SLC6A5: variants seen among roughly 807,000 people sequenced by gnomAD.
SLC6A5 encodes the protein solute carrier family 6 member 5, also known as sodium- and chloride-dependent glycine transporter 2.
In SLC6A5, 58 loss-of-function variants were observed where a neutral mutation model predicts 90.5. The observed-to-expected ratio is 0.64, with a 90% CI of 0.52 to 0.80. SLC6A5 has a LOEUF of 0.80. Ranked by LOEUF, SLC6A5 falls within the 30% of genes least tolerant of loss-of-function variation. The pLI, the probability that SLC6A5 is intolerant of heterozygous loss-of-function variation, is 0.00. For missense variants in SLC6A5, 1,015 were observed against 1,017.6 expected (o/e 1.00, Z 0.03); for synonymous variants, 427 against 401.4 (o/e 1.06, Z -0.76).
Position 20,636,406 on chromosome 11 carries a change from G to T in SLC6A5, c.1724G>T (p.Gly575Val), listed in dbSNP as rs747820050. Residue 575 changes from glycine to valine, a missense_variant, in exon 11 of 16, where the codon GGA (glycine) becomes GTA (valine). Physicochemically the swap from Gly to Val is moderately radical, Grantham distance 109. This residue lies in a region of SLC6A5 where 442 missense variants were observed against 494.3 expected (regional missense o/e 0.89). Transcript: ENST00000525748. ...IIFFLMLLTL[G>V]LDTMFATIET... The stretch of plus-strand genomic sequence containing the variant: ...TTTTTCCTGATGCTCCTCACTCTTG[G>T]ACTTGACACTATGGTGAGCCCCTTT... The T allele has an allele frequency of 6.2e-7, 1 of 1,604,054 alleles. No individual in the cohort carries two copies. Among genetic ancestry groups the T allele is most frequent in the Admixed American group, 1.7e-5 (1 of 60,000 alleles).
chr11:20,637,344 A>G, intron 12 of SLC6A5, 41 bp downstream of exon 12: 3 of 724,392 alleles, frequency 4.1e-6, no homozygotes, highest in Non-Finnish European at 7.0e-6. Context: ...TGGGGGCAGG[A>G]GGGTGGGGGG....
At chr11:20,630,666 G>A in intron 9 of SLC6A5, 25 bp from the exon 10 acceptor site, 1 of 1,614,090 alleles carries the variant, frequency 6.2e-7, no homozygotes, top group Non-Finnish European at 8.5e-7. Context: ...ACACCTAATG[G>A]AAAACTCTGG....
At chr11:20,610,189 C>T (rs1025574387) in intron 5 of SLC6A5, among the ~76,000 whole-genome samples, 1 of 152,236 alleles carries the variant, frequency 6.6e-6, no homozygotes, top group Non-Finnish European at 1.5e-5. Context: ...ATCATTATCG[C>T]TGTTCTTTGT....
intron 2 of SLC6A5, among the ~76,000 whole-genome samples, chr11:20,602,653 T>C (rs907186971): frequency 1.3e-5 from 2 of 151,832 alleles, no homozygotes; most frequent in Non-Finnish European, 2.9e-5. Flanking sequence ...AGGTTTAGGA[T>C]TTATACAACC....
At chr11:20,610,376 A>T (rs796619766) in intron 5 of SLC6A5, among the ~76,000 whole-genome samples, 4 of 152,310 alleles carry the variant, frequency 2.6e-5, no homozygotes, top group African/African-American at 9.6e-5. Flanking sequence ...ACCCTGCTGC[A>T]TTGCTGCAGG....
At chr11:20,628,134 G>T in intron 9 of SLC6A5, 51 bp downstream of exon 9, 1 of 1,377,524 alleles carries the variant, frequency 7.3e-7, no homozygotes. Context: ...TGGGACAGAA[G>T]AATGGACTGA....
intron 4 of SLC6A5, 66 bp downstream of exon 4, chr11:20,607,204 A>G (rs1382290136): frequency 1.3e-6 from 2 of 1,554,222 alleles, no homozygotes; most frequent in African/African-American, 2.7e-5. Flanking sequence ...GGCACCATGC[A>G]GCCCCAGGGA....
intron 13 of SLC6A5, among the ~76,000 whole-genome samples, chr11:20,640,462 T>C (rs1448354545): frequency 6.6e-6 from 1 of 152,186 alleles, no homozygotes; most frequent in Non-Finnish European, 1.5e-5. Flanking sequence ...TCCTGAGTGC[T>C]TTAGTCCCTG....
In SLC6A5 at chr11:20,614,821, G is replaced by C. The variant is rs1356887597; in HGVS notation, c.1127+1G>C. 1 of 1,612,612 alleles carries C rather than the reference G, an allele frequency of 6.2e-7. No homozygotes were observed. Among genetic ancestry groups the C allele is most frequent in the South Asian group, 1.1e-5 (1 of 91,054 alleles). On this transcript the variant is annotated splice_donor_variant, in intron 6 of 15. Transcript: ENST00000525748. LOFTEE classifies it high-confidence loss of function. ...TCAGTGGAAGTGAAGAGTACTTCAA[G>C]TAAGATGACTTTCTTTTTCCTTTTT...
Position 20,656,720 on chromosome 11 carries a change from C to T in SLC6A5, c.*1852C>T, listed in dbSNP as rs867969756. The stretch of plus-strand genomic sequence containing the variant: ...CTTTTGTCTGCAGTGTATATTTGTT[C>T]TCCCCTCTCCTTCTCCTCCTTTCCC... On this transcript the variant is annotated 3_prime_UTR_variant, in exon 16 of 16. Coordinates refer to ENST00000525748, the MANE Select transcript of SLC6A5 (RefSeq NM_004211.5). 6.6e-6 allele frequency: 1 copy of T among 152,100 alleles called. No homozygotes were observed. The highest frequency in any genetic ancestry group is 2.4e-5 in the African/African-American group (1 of 41,400). 9.4% of individuals were successfully genotyped at this position (152,100 alleles called of 1,614,324 possible).
At chr11:20,638,427 A>T (rs756941148) in intron 12 of SLC6A5, 32 bp from the exon 13 acceptor site, 3 of 1,351,192 alleles carry the variant, frequency 2.2e-6, no homozygotes, top group South Asian at 2.3e-5. Context: ...TTCAGGACGC[A>T]TTTGATATTG....
intron 13 of SLC6A5, among the ~76,000 whole-genome samples, chr11:20,645,001 T>C (rs919482005): frequency 4.6e-5 from 7 of 151,778 alleles, no homozygotes; most frequent in African/African-American, 7.3e-5. Context: ...TTGGTAGAGA[T>C]GGGGTTTCAC....
intron 7 of SLC6A5, among the ~76,000 whole-genome samples, chr11:20,624,910 T>TAAGTGAC (rs1852963488): frequency 6.6e-6 from 1 of 152,190 alleles, no homozygotes; most frequent in African/African-American, 2.4e-5. Context: ...GTGTGGATTG[T>TAAGTGAC]AAGTGACACT....
At chr11:20,623,384 C>G (rs939199650) in intron 7 of SLC6A5, among the ~76,000 whole-genome samples, 1 of 152,196 alleles carries the variant, frequency 6.6e-6, no homozygotes, top group Non-Finnish European at 1.5e-5. Flanking sequence ...TTCTCTCACA[C>G]TCCCCATGAA....
chr11:20,641,761 T>C (rs1325278546), intron 13 of SLC6A5, among the ~76,000 whole-genome samples: 1 of 152,096 alleles, frequency 6.6e-6, no homozygotes, highest in Non-Finnish European at 1.5e-5. Context: ...TGTGGGCTTT[T>C]AAGAATGTGG....
chr11:20,643,571 G>C (rs1853354714), intron 13 of SLC6A5, among the ~76,000 whole-genome samples: 1 of 152,178 alleles, frequency 6.6e-6, no homozygotes, highest in Admixed American at 6.5e-5. Flanking sequence ...CAGGAAGACT[G>C]TTTCACCTAA....
intron 6 of SLC6A5, among the ~76,000 whole-genome samples, chr11:20,615,052 G>T (rs113826900): frequency 6.6e-6 from 1 of 152,188 alleles, no homozygotes; most frequent in Non-Finnish European, 1.5e-5. Context: ...AATTCATGAT[G>T]CTGATGAAAA....
At position 20,601,233 on chromosome 11, in the gene SLC6A5, G is replaced by C. The variant is rs1223714179; in HGVS notation, c.108G>C (p.Pro36=). 3 of 1,580,322 alleles carry C rather than the reference G, an allele frequency of 1.9e-6. No homozygotes were observed. Among genetic ancestry groups the C allele is most frequent in the Non-Finnish European group, 2.6e-6 (3 of 1,170,878 alleles). Residue 36 remains proline, a synonymous_variant, in exon 2 of 16, where the codon CCG becomes CCC. Transcript: ENST00000525748. ...PDGPCAPRTS[P]EQELPAAAAP... is the part of the protein sequence containing the mutation. ...GCCCATGCGCTCCCAGGACGAGCCC[G>C]GAGCAGGAGCTTCCCGCGGCTGCCG...
At position 20,617,904 on chromosome 11, in the gene SLC6A5, TAA is replaced by T; in HGVS notation, c.1260+21_1260+22del. On this transcript the variant is annotated intron_variant, in intron 7 of 15. Transcript: ENST00000525748. ...GGAAAAGTAAGCACTTGGATTTATC[TAA>T]GAGAAAGCTGTGAGACACCCAGGGG... 6.3e-7 allele frequency: 1 copy of T among 1,584,546 alleles called. No homozygotes were observed. The highest frequency in any genetic ancestry group is 8.5e-7 in the Non-Finnish European group (1 of 1,177,814).
Sources: gnomAD v4.1 joint callset for allele counts (sites outside exome capture counted in the v4.1 genomes callset) on GRCh38, gnomAD v4.1.1 for gene constraint, gnomAD v4.1.1 regional missense constraint, MANE v1.5 for transcripts, NCBI Gene and HGNC (gene_info 2026-07-23, HGNC 2026-07-21) for gene names.